TMEM38B: variants seen among roughly 807,000 people sequenced by gnomAD.
TMEM38B encodes the protein trimeric intracellular cation channel type B.
Under a neutral mutation model 28.7 loss-of-function variants are expected in TMEM38B, and 24 were observed. The observed-to-expected ratio is 0.84, with a 90% CI of 0.61 to 1.18. The LOEUF is 1.18. Among genes scored for constraint, TMEM38B ranks in the 50% most tolerant of loss-of-function variants. The probability of loss-of-function intolerance (pLI) is 0.00; values close to 1 mark genes in which losing one functional copy is unlikely to be tolerated. For synonymous variants in TMEM38B, 131 were observed against 127.7 expected (o/e 1.03, Z -0.17); for missense variants, 380 against 350.9 (o/e 1.08, Z -0.66).
rs984979418 is a variant in TMEM38B at position 105,694,582 on chromosome 9, G to T, written c.-79G>T. 29 of 1,173,046 alleles carry T rather than the reference G, an allele frequency of 2.5e-5. 1 individual carries two copies. Among genetic ancestry groups the T allele is most frequent in the East Asian group, 7.7e-5 (3 of 38,770 alleles). The allele number at this position is 1,173,046 out of a possible 1,614,324, so 72.7% of individuals were successfully genotyped here. ...CGGAGGAGCGGGCGGCCGCGGCTGT[G>T]CCCTCTCCTACTCCTCACCGCGCGA... On this transcript the variant is annotated 5_prime_UTR_variant, in exon 1 of 6. Coordinates refer to ENST00000374692, the MANE Select transcript of TMEM38B (RefSeq NM_018112.3).
chr9:105,703,064 A>C (rs1014563182), intron 1 of TMEM38B, among the ~76,000 whole-genome samples: 5 of 151,194 alleles, frequency 3.3e-5, no homozygotes, highest in African/African-American at 1.2e-4. Flanking sequence ...TTTAGGTCTC[A>C]ATGTGACAAA....
chr9:105,760,377 T>G (rs1353454447), intron 5 of TMEM38B: 5 of 759,750 alleles, frequency 6.6e-6, no homozygotes, highest in Non-Finnish European at 1.2e-5. Context: ...AAGTACCAAC[T>G]TATTTACAGA....
intron 5 of TMEM38B, among the ~76,000 whole-genome samples, chr9:105,755,874 A>T (rs1307705028): frequency 6.6e-6 from 1 of 152,218 alleles, no homozygotes; most frequent in Non-Finnish European, 1.5e-5. Context: ...TGATATTTGT[A>T]TATTGATTTT....
At chr9:105,698,181 G>A (rs1318814666) in intron 1 of TMEM38B, among the ~76,000 whole-genome samples, 7 of 151,340 alleles carry the variant, frequency 4.6e-5, no homozygotes, top group East Asian at 1.9e-4. Flanking sequence ...AAGTTTGTTG[G>A]TTTTTGCTGC....
At chr9:105,747,389 G>T (rs1233459311) in intron 4 of TMEM38B, among the ~76,000 whole-genome samples, 1 of 152,208 alleles carries the variant, frequency 6.6e-6, no homozygotes, top group Non-Finnish European at 1.5e-5. Flanking sequence ...ATTCTCTGAT[G>T]GTAGTTTGTA....
intron 5 of TMEM38B, among the ~76,000 whole-genome samples, chr9:105,750,991 A>G (rs1277447330): frequency 6.6e-6 from 1 of 152,196 alleles, no homozygotes; most frequent in Non-Finnish European, 1.5e-5. Context: ...TATTCCATCC[A>G]TATGTGTGCC....
At chr9:105,711,585 C>T (rs1323830841) in intron 2 of TMEM38B, among the ~76,000 whole-genome samples, 1 of 152,028 alleles carries the variant, frequency 6.6e-6, no homozygotes. Flanking sequence ...GTTGCTCATG[C>T]CTGTAATCCC....
chr9:105,766,757 ATAC>A (rs1247560460), intron 5 of TMEM38B, among the ~76,000 whole-genome samples: 2 of 149,974 alleles, frequency 1.3e-5, no homozygotes, highest in Non-Finnish European at 3.0e-5. Context: ...TTTTATTATT[ATAC>A]TTTAAGTTCT....
chr9:105,759,587 GA>G, intron 5 of TMEM38B: 1 of 1,559,580 alleles, frequency 6.4e-7, no homozygotes, highest in Non-Finnish European at 8.8e-7. Context: ...TCTTTGGAAG[GA>G]ATTGTAGATG....
intron 5 of TMEM38B, among the ~76,000 whole-genome samples, chr9:105,767,112 A>C (rs1331516526): frequency 6.6e-6 from 1 of 151,310 alleles, no homozygotes; most frequent in African/African-American, 2.4e-5. Flanking sequence ...TTTCAAATTA[A>C]GTTTTATGAG....
rs185875442 is a variant in TMEM38B at position 105,759,643 on chromosome 9, C to T, written c.660+11453C>T. On this transcript the variant is annotated intron_variant, in intron 5 of 5. Coordinates refer to ENST00000374692, the MANE Select transcript of TMEM38B (RefSeq NM_018112.3). Reference sequence around the variant, plus strand: ...AGAGGCATCCAGTGTAAAGAGGCATCAATCTTTTCCAAACATAGAAGGACA... The same window carrying T: ...AGAGGCATCCAGTGTAAAGAGGCATTAATCTTTTCCAAACATAGAAGGACA... 987 of 1,593,610 alleles carry T rather than the reference C, an allele frequency of 6.2e-4. 11 individuals are homozygous for T. In the African/African-American group the frequency reaches 0.011, roughly 18 times the overall value.
At chr9:105,726,723 T>G (rs1245647746) in intron 4 of TMEM38B, among the ~76,000 whole-genome samples, 1 of 152,158 alleles carries the variant, frequency 6.6e-6, no homozygotes, top group African/African-American at 2.4e-5. Context: ...TATCTTTTAA[T>G]TGGAGGGCTT....
intron 4 of TMEM38B, among the ~76,000 whole-genome samples, chr9:105,731,468 C>A (rs1190755650): frequency 6.6e-6 from 1 of 152,010 alleles, no homozygotes; most frequent in Non-Finnish European, 1.5e-5. Flanking sequence ...CCTCTCACCC[C>A]ACGACAGGCC....
chr9:105,711,341 T>C (rs113307107), intron 2 of TMEM38B, among the ~76,000 whole-genome samples: 5,207 of 151,976 alleles, frequency 0.034, 237 homozygotes, highest in African/African-American at 0.1. Context: ...CTTGGGAGGC[T>C]GAGGCAGGAG....
At chr9:105,772,735 T>C (rs1385494116) in intron 5 of TMEM38B, among the ~76,000 whole-genome samples, 1 of 152,134 alleles carries the variant, frequency 6.6e-6, no homozygotes, top group African/African-American at 2.4e-5. Flanking sequence ...TCAGTGACGT[T>C]TAGTACTCTC....
intron 2 of TMEM38B, among the ~76,000 whole-genome samples, chr9:105,720,864 G>A (rs1836292044): frequency 6.6e-6 from 1 of 151,940 alleles, no homozygotes; most frequent in South Asian, 2.1e-4. Context: ...AACAAATGAA[G>A]TTTAAAAAAA....
At chr9:105,760,219 A>G in intron 5 of TMEM38B, 3 of 879,770 alleles carry the variant, frequency 3.4e-6, no homozygotes, top group Middle Eastern at 3.2e-4. Context: ...TGATATGTCC[A>G]AACTTCATGA....
At chr9:105,766,984 T>C (rs1588477651) in intron 5 of TMEM38B, among the ~76,000 whole-genome samples, 1 of 146,522 alleles carries the variant, frequency 6.8e-6, no homozygotes, top group South Asian at 2.1e-4. Flanking sequence ...AGTGAGAACA[T>C]GCGGTGTTTA....
intron 4 of TMEM38B, among the ~76,000 whole-genome samples, chr9:105,742,419 C>A (rs1837241141): frequency 6.6e-6 from 1 of 152,192 alleles, no homozygotes; most frequent in African/African-American, 2.4e-5. Context: ...GACTGTTGAA[C>A]CTTTTTCCTC....
Sources: allele counts gnomAD v4.1 joint callset (sites outside exome capture counted in the v4.1 genomes callset), GRCh38; gene constraint gnomAD v4.1.1; transcripts MANE v1.5; gene names NCBI Gene and HGNC (gene_info 2026-07-23, HGNC 2026-07-21).